CKS2: variants seen among roughly 807,000 people sequenced by gnomAD.
The protein encoded by CKS2 is CDC28 protein kinase regulatory subunit 2, also known as cyclin-dependent kinases regulatory subunit 2.
CKS2 carries 4 observed loss-of-function variants against 14.3 expected under a neutral mutation model. The ratio of observed to expected loss-of-function variants is 0.28; its 90% CI spans 0.14 to 0.64. CKS2 has a LOEUF of 0.64. CKS2 is among the 30% of genes least tolerant of loss of function. The pLI is 0.83. For synonymous variants in CKS2, 33 were observed against 28.7 expected (o/e 1.15, Z -0.48); for missense variants, 71 against 94.3 (o/e 0.75, Z 1.02).
In CKS2 at chr9:89,315,183, C is replaced by G; in HGVS notation, c.73C>G (p.Pro25Ala). 6.2e-7 allele frequency: 1 copy of G among 1,608,674 alleles called. No individual in the cohort carries two copies. Among genetic ancestry groups the G allele is most frequent in the Non-Finnish European group, 8.5e-7 (1 of 1,177,796 alleles). Reference sequence around the variant, plus strand: ...ATCTTGTAACAGGCATGTTATGTTACCCAGAGAACTTTCCAAACAAGTACC... The same window carrying G: ...ATCTTGTAACAGGCATGTTATGTTAGCCAGAGAACTTTCCAAACAAGTACC... ...EHYEYRHVML[P>A]RELSKQVPKT... The change falls in exon 2 of 3, where the codon CCC (proline) becomes GCC (alanine). Residue 25 changes from proline (P) to alanine (A), a missense_variant. Coordinates refer to ENST00000314355, the MANE Select transcript of CKS2 (RefSeq NM_001827.3).
At chr9:89,314,516 T>C (rs1824673263) in intron 1 of CKS2, among the ~76,000 whole-genome samples, 1 of 152,234 alleles carries the variant, frequency 6.6e-6, no homozygotes. Context: ...ACAAAGTACT[T>C]GAAGTATAAA....
In CKS2 at chr9:89,315,277, A is replaced by T; in HGVS notation, c.167A>T (p.His56Leu). 6.2e-7 allele frequency: 1 copy of T among 1,603,740 alleles called. No individual in the cohort carries two copies. Among genetic ancestry groups the T allele is most frequent in the Non-Finnish European group, 8.5e-7 (1 of 1,174,280 alleles). Residue 56 changes from histidine (H) to leucine (L), a missense_variant, in exon 2 of 3, where the codon CAT (histidine) becomes CTT (leucine). Transcript: ENST00000314355. ...LGVQQSLGWV[H>L]YMIHEPEPHI... is the part of the protein sequence containing the mutation. ...GTCCAACAGAGTCTAGGCTGGGTTC[A>T]TTACATGATTCATGAGCCAGGTAAG...
chr9:89,312,704 C>T (rs1185307478), intron 1 of CKS2, among the ~76,000 whole-genome samples: 2 of 152,078 alleles, frequency 1.3e-5, no homozygotes, highest in Non-Finnish European at 2.9e-5. Flanking sequence ...TTGTGTTAAC[C>T]TTATAGTAAT....
At chr9:89,311,986 G>A (rs558424605) in intron 1 of CKS2, among the ~76,000 whole-genome samples, 1 of 152,102 alleles carries the variant, frequency 6.6e-6, no homozygotes, top group South Asian at 2.1e-4. Context: ...AGCTTGATGG[G>A]GATTCGAAAA....
At position 89,315,156 on chromosome 9, in the gene CKS2, G is replaced by C; in HGVS notation, c.60-14G>C. On this transcript the variant is annotated splice_polypyrimidine_tract_variant and intron_variant, in intron 1 of 2. Transcript: ENST00000314355. ...AAAGGCACTGGACTAACACTTGGCT[G>C]TATCTTGTAACAGGCATGTTATGTT... 6.2e-7 allele frequency: 1 copy of C among 1,600,642 alleles called. No individual in the cohort carries two copies. Among genetic ancestry groups the C allele is most frequent in the Non-Finnish European group, 8.5e-7 (1 of 1,173,536 alleles).
At chr9:89,314,771 GC>G (rs1463694342) in intron 1 of CKS2, among the ~76,000 whole-genome samples, 1 of 152,130 alleles carries the variant, frequency 6.6e-6, no homozygotes, top group African/African-American at 2.4e-5. Context: ...ATATTAATGT[GC>G]ATTCAACAAG....
intron 1 of CKS2, chr9:89,312,203 CT>C (rs2131462102): frequency 6.5e-6 from 1 of 154,842 alleles, no homozygotes; most frequent in Admixed American, 6.5e-5. Context: ...AACATGGTGG[CT>C]GTAATCGATC....
Position 89,316,393 on chromosome 9 carries a change from A to C in CKS2, c.208A>C (p.Arg70=), listed in dbSNP as rs759978990. ...HEPEPHILLF[R]RPLPKDQQK is the part of the protein sequence containing the mutation. The stretch of plus-strand genomic sequence containing the variant: ...CACAGAACCACATATTCTTCTCTTT[A>C]GACGACCTCTTCCAAAAGATCAACA... The change falls in exon 3 of 3, where the codon AGA becomes CGA. Residue 70 remains arginine, a synonymous_variant. Coordinates refer to ENST00000314355, the MANE Select transcript of CKS2 (RefSeq NM_001827.3). The C allele has an allele frequency of 6.3e-7, 1 of 1,595,790 alleles. No homozygotes were observed. The highest frequency in any genetic ancestry group is 1.7e-5 in the Admixed American group (1 of 59,234).
intron 1 of CKS2, 91 bp downstream of exon 1, chr9:89,311,442 G>A (rs1217331472): frequency 2.5e-6 from 2 of 792,548 alleles, no homozygotes; most frequent in Non-Finnish European, 3.8e-6. Context: ...GGGGGTGGGG[G>A]CCGGGGCCTG....
chr9:89,312,285 G>A (rs1824633051), intron 1 of CKS2: 1 of 154,402 alleles, frequency 6.5e-6, no homozygotes, highest in African/African-American at 2.4e-5. Context: ...GGGAAAGCGA[G>A]TAGGGACATT....
intron 1 of CKS2, among the ~76,000 whole-genome samples, chr9:89,313,649 C>G (rs1824658162): frequency 6.6e-6 from 1 of 152,156 alleles, no homozygotes; most frequent in African/African-American, 2.4e-5. Context: ...TAACTTCTAT[C>G]TAAATAACTT....
chr9:89,316,319 T>C (rs760475093), intron 2 of CKS2, 54 bp from the exon 3 acceptor site: 14 of 1,134,192 alleles, frequency 1.2e-5, no homozygotes, highest in Non-Finnish European at 1.8e-5. Flanking sequence ...TTTGAATTTC[T>C]GTTGAGTATA....
intron 1 of CKS2, 76 bp downstream of exon 1, chr9:89,311,427 G>C (rs558337383): frequency 2.6e-6 from 3 of 1,165,492 alleles, no homozygotes; most frequent in Non-Finnish European, 3.6e-6. Context: ...AGGCATAGTA[G>C]GGTCGGGGGT....
chr9:89,313,564 CTACT>C (rs1824656921), intron 1 of CKS2, among the ~76,000 whole-genome samples: 1 of 152,192 alleles, frequency 6.6e-6, no homozygotes, highest in African/African-American at 2.4e-5. Context: ...GGGGTTGATG[CTACT>C]TAAACATTTT....
At chr9:89,316,325 G>T in intron 2 of CKS2, 48 bp from the exon 3 acceptor site, 1 of 1,171,654 alleles carries the variant, frequency 8.5e-7, no homozygotes, top group Non-Finnish European at 1.3e-6. Context: ...TTTCTGTTGA[G>T]TATATGAAAA....
chr9:89,311,248 C>G lies in CKS2; in HGVS notation c.-45C>G, dbSNP rs368569573. 3.2e-6 allele frequency: 5 copies of G among 1,569,728 alleles called. No individual in the cohort carries two copies. Among genetic ancestry groups the G allele is most frequent in the Non-Finnish European group, 4.4e-6 (5 of 1,144,146 alleles). ...CTGGACGTGGTTTTGTCTGCTGCGC[C>G]CGCTCTTCGCGCTCTCGTTTCATTT... On this transcript the variant is annotated 5_prime_UTR_variant, in exon 1 of 3. Transcript: ENST00000314355.
At chr9:89,311,400 C>A (rs764021275) in intron 1 of CKS2, 49 bp downstream of exon 1, 2 of 1,528,776 alleles carry the variant, frequency 1.3e-6, no homozygotes, top group Non-Finnish European at 1.8e-6. Context: ...CCGGGGCCCC[C>A]GCGGGCGGGG....
intron 1 of CKS2, among the ~76,000 whole-genome samples, chr9:89,314,704 C>G (rs191791043): frequency 6.6e-6 from 1 of 152,248 alleles, no homozygotes; most frequent in East Asian, 1.9e-4. Flanking sequence ...GTTGCTTTAC[C>G]GTTCTCAATT....
At chr9:89,311,663 C>G (rs1824611935) in intron 1 of CKS2, among the ~76,000 whole-genome samples, 1 of 152,226 alleles carries the variant, frequency 6.6e-6, no homozygotes, top group South Asian at 2.1e-4. Flanking sequence ...ATGGGGTCCT[C>G]GGCGACGCGG....
Sources: allele counts gnomAD v4.1 joint callset (sites outside exome capture counted in the v4.1 genomes callset), GRCh38; gene constraint gnomAD v4.1.1; transcripts MANE v1.5; gene names NCBI Gene and HGNC (gene_info 2026-07-23, HGNC 2026-07-21).